Variants in STT3B observed in about 807,000 individuals in gnomAD.
STT3B encodes the protein STT3 oligosaccharyltransferase complex catalytic subunit B.
Under a neutral mutation model 96.8 loss-of-function variants are expected in STT3B, and 29 were observed. The observed-to-expected ratio is 0.30, with a 90% CI of 0.22 to 0.41. The LOEUF is 0.41. Ranked by LOEUF, STT3B falls within the 10% of genes least tolerant of loss-of-function variation. STT3B has a pLI of 1.00. For synonymous variants in STT3B, 367 were observed against 360.0 expected (o/e 1.02, Z -0.22); for missense variants, 640 against 1,022.3 (o/e 0.63, Z 5.10).
intron 7 of STT3B, 118 bp downstream of exon 7, chr3:31,617,193 T>TTC: frequency 1.2e-6 from 1 of 811,690 alleles, no homozygotes; most frequent in Non-Finnish European, 1.7e-6. Context: ...TTTCTTTTTT[T>TTC]TTTTTTTTGA....
intron 10 of STT3B, among the ~76,000 whole-genome samples, chr3:31,623,077 T>A (rs180972687): frequency 1.2e-4 from 19 of 152,254 alleles, no homozygotes; most frequent in African/African-American, 3.9e-4. Flanking sequence ...ATTGTTGGGG[T>A]TTTTTTGTTG....
intron 1 of STT3B, among the ~76,000 whole-genome samples, chr3:31,565,150 A>G (rs1697973051): frequency 6.6e-6 from 1 of 152,234 alleles, no homozygotes; most frequent in Admixed American, 6.5e-5. Context: ...AACGTGTATT[A>G]CAAAGATGAA....
At chr3:31,596,493 G>A (rs1698795014) in intron 3 of STT3B, among the ~76,000 whole-genome samples, 1 of 152,148 alleles carries the variant, frequency 6.6e-6, no homozygotes, top group South Asian at 2.1e-4. Flanking sequence ...GGCATGGTGT[G>A]TGGATATCAG....
intron 5 of STT3B, among the ~76,000 whole-genome samples, chr3:31,606,329 T>C (rs548251478): frequency 2.0e-5 from 3 of 152,330 alleles, no homozygotes; most frequent in African/African-American, 7.2e-5. Context: ...CTCCAGGGCA[T>C]GTCAGAGACC....
chr3:31,631,737 G>T (rs1159410039), intron 14 of STT3B, among the ~76,000 whole-genome samples: 2 of 151,822 alleles, frequency 1.3e-5, no homozygotes, highest in Non-Finnish European at 2.9e-5. Flanking sequence ...CTTCAGCCCA[G>T]GAGTTCGAGA....
chr3:31,629,366 T>C lies in STT3B; in HGVS notation c.2142T>C (p.Asn714=), dbSNP rs1553608923. 1.2e-6 allele frequency: 2 copies of C among 1,610,250 alleles called. No individual in the cohort carries two copies. The highest frequency in any genetic ancestry group is 1.7e-6 in the Non-Finnish European group (2 of 1,177,768). ...VDKAGSPTLL[N]CLMYKMSYYR... The stretch of plus-strand genomic sequence containing the variant: ...AAGCAGGATCCCCTACTTTGTTGAA[T>C]TGCCTTATGTATAAAATGTCATACT... Residue 714 remains asparagine (N), a synonymous_variant, in exon 14 of 16, where the codon AAT becomes AAC. Coordinates refer to ENST00000295770, the MANE Select transcript of STT3B (RefSeq NM_178862.3).
At chr3:31,629,194 A>G (rs1699602110) in intron 13 of STT3B, 104 bp from the exon 14 acceptor site, 2 of 699,390 alleles carry the variant, frequency 2.9e-6, no homozygotes, top group Admixed American at 5.9e-5. Flanking sequence ...GGCTTTATAA[A>G]GATACCTCAG....
chr3:31,599,473 A>T (rs1698876304), intron 4 of STT3B, among the ~76,000 whole-genome samples: 1 of 152,222 alleles, frequency 6.6e-6, no homozygotes, highest in South Asian at 2.1e-4. Flanking sequence ...ACCAAGGCAG[A>T]AAACTGATGT....
intron 14 of STT3B, among the ~76,000 whole-genome samples, chr3:31,630,759 A>G (rs1175451558): frequency 1.3e-5 from 2 of 151,646 alleles, no homozygotes; most frequent in Non-Finnish European, 2.9e-5. Flanking sequence ...TTGGACCTCA[A>G]TTTGTGAATC....
chr3:31,580,305 C>G (rs1698353960), intron 3 of STT3B, among the ~76,000 whole-genome samples: 1 of 152,044 alleles, frequency 6.6e-6, no homozygotes, highest in Non-Finnish European at 1.5e-5. Flanking sequence ...TTAAATAAGT[C>G]AGAACTCCAA....
At chr3:31,597,840 A>G (rs534932090) in intron 4 of STT3B, among the ~76,000 whole-genome samples, 2 of 147,098 alleles carry the variant, frequency 1.4e-5, no homozygotes, top group African/African-American at 5.0e-5. Context: ...TATTATTATT[A>G]TTATTTTTTT....
chr3:31,626,519 G>A (rs1699542311), intron 13 of STT3B, among the ~76,000 whole-genome samples: 1 of 152,068 alleles, frequency 6.6e-6, no homozygotes, highest in African/African-American at 2.4e-5. Flanking sequence ...CCCAGTGTAA[G>A]ATAAAATTGA....
chr3:31,626,596 A>T (rs765314386), intron 13 of STT3B, among the ~76,000 whole-genome samples: 1 of 152,248 alleles, frequency 6.6e-6, no homozygotes, highest in Non-Finnish European at 1.5e-5. Flanking sequence ...CCATATAGAC[A>T]TGAGTTAAAA....
chr3:31,610,416 C>G (rs955599000), intron 5 of STT3B, among the ~76,000 whole-genome samples: 3 of 152,246 alleles, frequency 2.0e-5, no homozygotes, highest in Non-Finnish European at 2.9e-5. Flanking sequence ...CCTTTTCTAA[C>G]TTTATTTACA....
At chr3:31,577,737 A>G (rs1358357841) in intron 2 of STT3B, among the ~76,000 whole-genome samples, 7 of 152,156 alleles carry the variant, frequency 4.6e-5, no homozygotes, top group Non-Finnish European at 1.0e-4. Flanking sequence ...AAGGCACAAT[A>G]GTCGTTATCA....
intron 12 of STT3B, among the ~76,000 whole-genome samples, chr3:31,625,330 C>T (rs1699512403): frequency 6.6e-6 from 1 of 152,118 alleles, no homozygotes; most frequent in Non-Finnish European, 1.5e-5. Context: ...ATTTAGCTTA[C>T]TGAAGAATTA....
chr3:31,636,808 A>G lies in STT3B; in HGVS notation c.*744A>G, dbSNP rs1203215696. The G allele has an allele frequency of 2.0e-5, 3 of 152,310 alleles. No individual in the cohort carries two copies. The highest frequency in any genetic ancestry group is 2.9e-5 in the Non-Finnish European group (2 of 68,028). The allele number at this position is 152,310 out of a possible 1,614,324, so 9.4% of individuals were successfully genotyped here. A position where few individuals can be genotyped will look rare whatever the true frequency, so the allele number is the denominator to read the frequency against. ...GCTAAATTTATATTTTTTGGAAATCATGGCAACTACACAGGATGTTGCTTA... is the reference window on the plus strand; with the variant it reads ...GCTAAATTTATATTTTTTGGAAATCGTGGCAACTACACAGGATGTTGCTTA... On this transcript the variant is annotated 3_prime_UTR_variant, in exon 16 of 16. Transcript: ENST00000295770.
intron 13 of STT3B, among the ~76,000 whole-genome samples, chr3:31,626,544 G>C (rs1485337885): frequency 6.6e-6 from 1 of 152,038 alleles, no homozygotes; most frequent in Non-Finnish European, 1.5e-5. Context: ...GTTACTTTTA[G>C]GCTCAAAAGA....
In STT3B at chr3:31,532,990, G is replaced by A; in HGVS notation, c.-9G>A. On this transcript the variant is annotated 5_prime_UTR_variant, in exon 1 of 16. Transcript: ENST00000295770. ...AGGAGGAGAGCTAGACCCGCCGCCGGGGCACAACATGGCGGAGCCCTCGGC... is the reference window on the plus strand; with the variant it reads ...AGGAGGAGAGCTAGACCCGCCGCCGAGGCACAACATGGCGGAGCCCTCGGC... 6.3e-7 allele frequency: 1 copy of A among 1,585,760 alleles called. No individual in the cohort carries two copies. The highest frequency in any genetic ancestry group is 8.6e-7 in the Non-Finnish European group (1 of 1,167,752).
Sources: gnomAD v4.1 joint callset for allele counts (sites outside exome capture counted in the v4.1 genomes callset) on GRCh38, gnomAD v4.1.1 for gene constraint, MANE v1.5 for transcripts, NCBI Gene and HGNC (gene_info 2026-07-23, HGNC 2026-07-21) for gene names.